The following ARPP21 variants were observed in gnomAD, a reference collection of about 807,000 sequenced individuals.
ARPP21 encodes cAMP-regulated phosphoprotein 21.
In ARPP21, 69 loss-of-function variants were observed where a neutral mutation model predicts 113.2. The observed-to-expected ratio is 0.61, with a 90% confidence interval of 0.50 to 0.74. The LOEUF (loss-of-function observed/expected upper bound fraction) is 0.74, where lower values mean the gene tolerates loss of function less well. Among genes scored for constraint, ARPP21 ranks in the 30% least tolerant of loss-of-function variants. The probability of loss-of-function intolerance (pLI) is 0.00; values close to 1 mark genes in which losing one functional copy is unlikely to be tolerated. For synonymous variants in ARPP21, 368 were observed against 375.5 expected, an observed-to-expected ratio of 0.98 and a Z score of 0.23; for missense variants, 1,070 against 1,037.4, an observed-to-expected ratio of 1.03 and a Z score of -0.43.
At chr3:35,775,055 A>T (rs2096315348) in intron 19 of ARPP21, 2 of 152,254 alleles carry the variant, frequency 1.3e-5, no homozygotes, top group East Asian at 3.9e-4. Flanking sequence ...GATTAATACA[A>T]ATTAATATAA....
chr3:35,744,243 C>T (rs920337287), intron 19 of ARPP21, among the ~76,000 whole-genome samples: 2 of 152,178 alleles, frequency 1.3e-5, no homozygotes, highest in East Asian at 1.9e-4. Context: ...CAACCATGTC[C>T]GTACCTTTCT....
intron 19 of ARPP21, among the ~76,000 whole-genome samples, chr3:35,786,897 C>T (rs1485486180): frequency 6.6e-6 from 1 of 152,118 alleles, no homozygotes; most frequent in African/African-American, 2.4e-5. Context: ...GCAGTGACTC[C>T]TCTTTCACCA....
chr3:35,679,563 T>G (rs2078351601), intron 1 of ARPP21: 1 of 151,748 alleles, frequency 6.6e-6, no homozygotes, highest in South Asian at 2.1e-4. Context: ...AATGCAATTG[T>G]TAATTTTAGC....
In ARPP21 at chr3:35,729,274, A is replaced by G. The variant is rs372034055; in HGVS notation, c.1226-29A>G. ...GCTTTCTCTCATCTCTGTGTGTTCAATGATTTGTTGATTGTATCCCTATGC... is the reference window on the plus strand; with the variant it reads ...GCTTTCTCTCATCTCTGTGTGTTCAGTGATTTGTTGATTGTATCCCTATGC... On this transcript the variant is annotated intron_variant, in intron 14 of 20. Transcript: ENST00000684406. The G allele has an allele frequency of 1.4e-4, 217 of 1,497,012 alleles. 3 individuals are homozygous for G. In the South Asian group the frequency reaches 2.0e-3, roughly 14 times the overall value. The allele number at this position is 1,497,012 out of a possible 1,614,324, so 92.7% of individuals were successfully genotyped here. A position where few individuals can be genotyped will look rare whatever the true frequency, so the allele number is the denominator to read the frequency against.
chr3:35,702,876 A>G (rs2086983204), intron 9 of ARPP21, among the ~76,000 whole-genome samples: 1 of 151,880 alleles, frequency 6.6e-6, no homozygotes, highest in Non-Finnish European at 1.5e-5. Flanking sequence ...CATACTTTTA[A>G]TTGAAAATTT....
At chr3:35,656,519 A>G (rs550471442) in intron 1 of ARPP21, among the ~76,000 whole-genome samples, 1 of 152,170 alleles carries the variant, frequency 6.6e-6, no homozygotes, top group African/African-American at 2.4e-5. Context: ...AATAGTTTGG[A>G]TGGGTCTCAA....
intron 19 of ARPP21, among the ~76,000 whole-genome samples, chr3:35,789,696 T>C (rs1056644262): frequency 2.0e-5 from 3 of 152,202 alleles, no homozygotes; most frequent in Non-Finnish European, 4.4e-5. Context: ...CAGCTGCATC[T>C]GGGCTGGCAG....
intron 1 of ARPP21, chr3:35,678,837 A>T (rs1317606372): frequency 1.3e-5 from 2 of 151,944 alleles, no homozygotes; most frequent in Non-Finnish European, 2.9e-5. Context: ...TAGTGTTTTC[A>T]TAGATAGGTA....
At chr3:35,710,549 ACACAC>A (rs2090792674) in intron 11 of ARPP21, among the ~76,000 whole-genome samples, 2 of 83,278 alleles carry the variant, frequency 2.4e-5, no homozygotes, top group Admixed American at 2.0e-4. Context: ...TCAAACACAC[ACACAC>A]ACACACACAC....
rs140684937 is a variant in ARPP21, at chr3:35,778,299, G to A, written c.2138-14083G>A. Among the ~76,000 whole-genome samples, 635 of 152,238 alleles carry A rather than the reference G, an allele frequency of 4.2e-3. 3 individuals carry two copies. The highest frequency in any genetic ancestry group is 6.3e-3 in the Non-Finnish European group (430 of 68,010). ...CTCTATCCATCTCTCCTGACCCCAT[G>A]AGCTGCATCTGTCAGGTTCCTTTGC... On this transcript the variant is annotated intron_variant, in intron 19 of 20. Transcript: ENST00000684406.
chr3:35,743,771 A>T, intron 18 of ARPP21, 68 bp from the exon 19 acceptor site: 7 of 1,545,746 alleles, frequency 4.5e-6, no homozygotes, highest in Non-Finnish European at 6.2e-6. Flanking sequence ...ACGAAAGCAT[A>T]TTTTAAGTTT....
Position 35,683,798 on chromosome 3 carries a change from G to A in ARPP21, c.244G>A (p.Glu82Lys). The A allele has an allele frequency of 6.6e-7, 1 of 1,525,216 alleles. No individual in the cohort carries two copies. The highest frequency in any genetic ancestry group is 9.1e-7 in the Non-Finnish European group (1 of 1,100,914). The allele number at this position is 1,525,216 out of a possible 1,614,324, so 94.5% of individuals were successfully genotyped here. Residue 82 changes from glutamate (E) to lysine (K), a missense_variant, in exon 5 of 21, where the codon GAA becomes AAA. Transcript: ENST00000684406. ...CEESSARPGG[E>K]SLQDQESIHL... ...GGAATCTTCTGCCAGACCAGGAGGT[G>A]AAAGTCTTCAGGATCAGGTATATCC...
Position 35,793,728 on chromosome 3 carries a change from C to T in ARPP21, c.2314C>T (p.Leu772=). Residue 772 remains leucine, a synonymous_variant, in exon 21 of 21, where the codon CTG becomes TTG. Transcript: ENST00000684406. The part of the protein sequence containing the change: ...QVPMTQGSQG[L]PQQSYQQPIM... ...GCCAATGACCCAGGGTTCTCAAGGA[C>T]TGCCCCAGCAGTCATACCAACAGCC... The T allele has an allele frequency of 6.2e-7, 1 of 1,613,804 alleles. No individual in the cohort carries two copies. The highest frequency in any genetic ancestry group is 8.5e-7 in the Non-Finnish European group (1 of 1,179,694).
At chr3:35,649,123 T>G (rs1381732529) in intron 1 of ARPP21, among the ~76,000 whole-genome samples, 1 of 152,198 alleles carries the variant, frequency 6.6e-6, no homozygotes, top group African/African-American at 2.4e-5. Flanking sequence ...AGATATTTAA[T>G]CAAAGTTTGT....
Position 35,794,037 on chromosome 3 carries a change from G to A in ARPP21, c.*79G>A. 4 of 1,304,902 alleles carry A rather than the reference G, an allele frequency of 3.1e-6. No individual in the cohort carries two copies. The highest frequency in any genetic ancestry group is 4.3e-6 in the Non-Finnish European group (4 of 934,112). The allele number at this position is 1,304,902 out of a possible 1,614,324, so 80.8% of individuals were successfully genotyped here. ...GAGGAACAAGGTGGGAAAACTGGCT[G>A]AGGACTTAAGTATTCACTCAACACT... On this transcript the variant is annotated 3_prime_UTR_variant, in exon 21 of 21. Transcript: ENST00000684406.
chr3:35,760,218 A>C (rs867315476), intron 19 of ARPP21, among the ~76,000 whole-genome samples: 24 of 152,034 alleles, frequency 1.6e-4, no homozygotes, highest in African/African-American at 4.3e-4. Flanking sequence ...ACAGTATCTG[A>C]CTGTAAATTA....
At chr3:35,749,240 G>T (rs930557646) in intron 19 of ARPP21, among the ~76,000 whole-genome samples, 1 of 151,924 alleles carries the variant, frequency 6.6e-6, no homozygotes, top group Non-Finnish European at 1.5e-5. Flanking sequence ...TTGTAGAGAT[G>T]ATCAATAACA....
At chr3:35,778,133 C>T (rs2096426119) in intron 19 of ARPP21, among the ~76,000 whole-genome samples, 1 of 152,172 alleles carries the variant, frequency 6.6e-6, no homozygotes, top group South Asian at 2.1e-4. Context: ...CGTTGTTCAT[C>T]TCTTTTAAAA....
chr3:35,764,299 T>C (rs947430838), intron 19 of ARPP21, among the ~76,000 whole-genome samples: 6 of 152,182 alleles, frequency 3.9e-5, no homozygotes, highest in Non-Finnish European at 7.4e-5. Flanking sequence ...TGCATGCTTT[T>C]GCATGATAAA....
Sources: gnomAD v4.1 joint callset for allele counts (sites outside exome capture counted in the v4.1 genomes callset) on GRCh38, gnomAD v4.1.1 for gene constraint, MANE v1.5 for transcripts, NCBI Gene and HGNC (gene_info 2026-07-23, HGNC 2026-07-21) for gene names.